The following SHQ1 variants were observed in gnomAD, a reference collection of about 807,000 sequenced individuals.
The protein encoded by SHQ1 is protein SHQ1 homolog.
In SHQ1, 49 loss-of-function variants were observed where a neutral mutation model predicts 53.8. That is an observed-to-expected ratio of 0.91 (90% CI 0.72 to 1.16). The LOEUF (loss-of-function observed/expected upper bound fraction) is 1.16. SHQ1 is among the 50% of genes most tolerant of loss of function. The probability of loss-of-function intolerance (pLI) is 0.00; values close to 1 mark genes in which losing one functional copy is unlikely to be tolerated. For missense variants in SHQ1, 738 were observed against 683.1 expected (o/e 1.08, Z -0.90); for synonymous variants, 243 against 251.0 (o/e 0.97, Z 0.30).
At chr3:72,737,152 T>C in the SHQ1 span, among the ~76,000 whole-genome samples, 77 of 151,446 alleles carry the variant, frequency 5.1e-4, no homozygotes, top group African/African-American at 1.8e-3. Context: ...CTGGGGTGCA[T>C]CTGTAGTCCT....
chr3:72,731,817 C>A, the SHQ1 span, among the ~76,000 whole-genome samples: 1 of 151,574 alleles, frequency 6.6e-6, no homozygotes, highest in Non-Finnish European at 1.5e-5. Context: ...TTCCAAAGTG[C>A]AAAAAGCCAC....
chr3:72,748,299 G>A (rs1705290742), downstream of SHQ1, among the ~76,000 whole-genome samples: 1 of 127,016 alleles, frequency 7.9e-6, no homozygotes, highest in Non-Finnish European at 1.6e-5. Flanking sequence ...TTCACAAAGT[G>A]TGGCATCCAA....
the SHQ1 span, among the ~76,000 whole-genome samples, chr3:72,729,904 G>GC: frequency 8.5e-5 from 13 of 152,068 alleles, no homozygotes; most frequent in South Asian, 2.1e-4. Flanking sequence ...TGCAGGCTCT[G>GC]CCCCCCGGGG....
intron 9 of SHQ1, among the ~76,000 whole-genome samples, chr3:72,796,318 G>T (rs186545211): frequency 6.6e-6 from 1 of 152,030 alleles, no homozygotes; most frequent in African/African-American, 2.4e-5. Context: ...AGGAATAAAG[G>T]ACCCTACTCC....
intron 10 of SHQ1, among the ~76,000 whole-genome samples, chr3:72,784,378 G>A (rs937881330): frequency 1.6e-4 from 25 of 152,280 alleles, no homozygotes; most frequent in Admixed American, 6.5e-4. Flanking sequence ...ACAGTCCCCA[G>A]TGGGCACTGC....
intron 6 of SHQ1, among the ~76,000 whole-genome samples, chr3:72,824,043 C>T (rs114100768): frequency 3.9e-5 from 6 of 152,264 alleles, no homozygotes; most frequent in Non-Finnish European, 8.8e-5. Context: ...TGGGTCTTCC[C>T]CCCGCCCGTT....
At chr3:72,743,074 A>G in the SHQ1 span, among the ~76,000 whole-genome samples, 1 of 152,174 alleles carries the variant, frequency 6.6e-6, no homozygotes, top group African/African-American at 2.4e-5. Context: ...TGGGTTAGAG[A>G]TGCACATCCA....
At chr3:72,776,387 G>GTC (rs1705958723) in intron 10 of SHQ1, among the ~76,000 whole-genome samples, 1 of 152,114 alleles carries the variant, frequency 6.6e-6, no homozygotes, top group Admixed American at 6.6e-5. Context: ...GTCACATGCT[G>GTC]TACAGGTTTG....
At chr3:72,763,748 C>T (rs568509951) in intron 10 of SHQ1, among the ~76,000 whole-genome samples, 1 of 152,338 alleles carries the variant, frequency 6.6e-6, no homozygotes, top group East Asian at 1.9e-4. Context: ...GTTGCCAGCA[C>T]TGCTGAAGCC....
intron 10 of SHQ1, among the ~76,000 whole-genome samples, chr3:72,761,673 A>C (rs1209107788): frequency 2.0e-5 from 3 of 152,184 alleles, no homozygotes; most frequent in African/African-American, 7.2e-5. Flanking sequence ...TAAACTCATG[A>C]AGTACTTACA....
At position 72,812,675 on chromosome 3, in the gene SHQ1, T is replaced by A. The variant is rs759119943; in HGVS notation, c.1056A>T (p.Gln352His). The A allele has an allele frequency of 1.2e-6, 2 of 1,613,968 alleles. No homozygotes were observed. Among genetic ancestry groups the A allele is most frequent in the Admixed American group, 1.7e-5 (1 of 60,008 alleles). Reference protein sequence around the residue: ...KAYRDTIKILQLGKSAVLKCL... With the variant: ...KAYRDTIKILHLGKSAVLKCL... ...GCAAGTACAGTAATATCTTACCCAGTTGCAATATCTTTATAGTGTCCCTGT... is the reference window on the plus strand; with the variant it reads ...GCAAGTACAGTAATATCTTACCCAGATGCAATATCTTTATAGTGTCCCTGT... The change falls in exon 9 of 11, where the codon CAA becomes CAT. Residue 352 changes from glutamine (Q) to histidine (H), a missense_variant. Gln to His is a conservative substitution (Grantham distance 24, BLOSUM62 0). Transcript: ENST00000325599.
At chr3:72,733,444 CA>C in the SHQ1 span, among the ~76,000 whole-genome samples, 25 of 150,776 alleles carry the variant, frequency 1.7e-4, no homozygotes, top group East Asian at 4.5e-3. Context: ...GAAAAAAAAC[CA>C]AATTCTCATG....
chr3:72,735,986 A>G, the SHQ1 span, among the ~76,000 whole-genome samples: 3 of 152,174 alleles, frequency 2.0e-5, no homozygotes, highest in African/African-American at 7.2e-5. Flanking sequence ...ACATAGATAC[A>G]AAGATAATCA....
intron 6 of SHQ1, among the ~76,000 whole-genome samples, chr3:72,823,544 A>G (rs1707551157): frequency 6.6e-6 from 1 of 152,220 alleles, no homozygotes; most frequent in African/African-American, 2.4e-5. Context: ...ATATCCATCA[A>G]TCATGAAAAA....
chr3:72,772,869 T>C, intron 10 of SHQ1: 1 of 779,164 alleles, frequency 1.3e-6, no homozygotes, highest in Non-Finnish European at 2.4e-6. Context: ...AATGGGAAGC[T>C]GTGGACAAAT....
chr3:72,751,476 A>G (rs527650722), intron 10 of SHQ1, among the ~76,000 whole-genome samples: 1,745 of 109,758 alleles, frequency 0.016, 111 homozygotes, highest in African/African-American at 0.071. Context: ...ATAAGCACAT[A>G]TGTGTGTGTG....
chr3:72,787,562 ATTAG>A (rs1399238223), intron 10 of SHQ1, among the ~76,000 whole-genome samples: 2 of 152,222 alleles, frequency 1.3e-5, no homozygotes, highest in East Asian at 1.9e-4. Flanking sequence ...TGAGGAATAA[ATTAG>A]TTACTTAAAA....
chr3:72,738,358 C>T, the SHQ1 span, among the ~76,000 whole-genome samples: 1 of 152,172 alleles, frequency 6.6e-6, no homozygotes, highest in Non-Finnish European at 1.5e-5. Flanking sequence ...CTGTTATTGG[C>T]ATTTGGTTCC....
chr3:72,825,035 A>G (rs1707606528), intron 5 of SHQ1, among the ~76,000 whole-genome samples: 1 of 151,938 alleles, frequency 6.6e-6, no homozygotes, highest in African/African-American at 2.4e-5. Flanking sequence ...TCTCGGCCTC[A>G]AGTGACCCTC....
Sources: allele counts gnomAD v4.1 joint callset (sites outside exome capture counted in the v4.1 genomes callset), GRCh38; gene constraint gnomAD v4.1.1; transcripts MANE v1.5; gene names NCBI Gene and HGNC (gene_info 2026-07-23, HGNC 2026-07-21).